Variants in PHF8 observed in about 807,000 individuals in gnomAD.
The protein encoded by PHF8 is PHD finger protein 8.
A neutral mutation model predicts 74.4 loss-of-function variants in PHF8; 9 were observed. The ratio of observed to expected loss-of-function variants is 0.12; its 90% CI spans 0.07 to 0.21. The LOEUF is 0.21. Among genes scored for constraint, PHF8 ranks in the 10% least tolerant of loss-of-function variants. PHF8 has a pLI of 1.00. For synonymous variants in PHF8, 311 were observed against 316.6 expected (o/e 0.98, Z 0.19); for missense variants, 478 against 816.6 (o/e 0.59, Z 5.05).
intron 19 of PHF8, among the ~76,000 whole-genome samples, chrX:53,946,208 C>G (rs1453997680): frequency 9.0e-6 from 1 of 111,727 alleles, no homozygotes; most frequent in African/African-American, 3.3e-5. Context: ...TCACACAGCA[C>G]CAAAATATTA....
chrX:53,945,832 C>T (rs181303792), intron 19 of PHF8, among the ~76,000 whole-genome samples: 1 of 111,685 alleles, frequency 9.0e-6, no homozygotes, highest in African/African-American at 3.3e-5. Context: ...TCTTTGGTTC[C>T]ACTGATCTCT....
intron 2 of PHF8, among the ~76,000 whole-genome samples, chrX:54,036,927 G>C (rs1603344693): frequency 1.9e-5 from 2 of 106,580 alleles, no homozygotes. Flanking sequence ...TTGAACCCGG[G>C]AGGTGGAGGT....
chrX:53,971,295 A>C (rs2065286622), intron 18 of PHF8, among the ~76,000 whole-genome samples: 1 of 111,873 alleles, frequency 8.9e-6, no homozygotes, highest in African/African-American at 3.2e-5. Flanking sequence ...TAATGAGAAC[A>C]AAGAGACAAT....
chrX:54,009,844 G>GGAAAAA (rs2065952773), intron 8 of PHF8, among the ~76,000 whole-genome samples: 115 of 9,388 alleles, frequency 0.012, 16 homozygotes, highest in African/African-American at 0.017. Context: ...CTCTGTCTCA[G>GGAAAAA]AAAAAAAAAA....
chrX:53,938,914 A>AGCTG lies in PHF8; in HGVS notation c.*240_*243dup. On this transcript the variant is annotated 3_prime_UTR_variant, in exon 22 of 22. Coordinates refer to ENST00000338154, the MANE Select transcript of PHF8 (RefSeq NM_015107.3). ...ACGAGTAGAAAAGAGGGTTCTAGTC[A>AGCTG]GCTGGAAACCTCTCCCATTTACCTG... 1 of 959,664 alleles carries AGCTG rather than the reference A, an allele frequency of 1.0e-6. No homozygotes were observed. The highest frequency in any genetic ancestry group is 1.3e-6 in the Non-Finnish European group (1 of 767,408). 79.1% of individuals were successfully genotyped at this position (959,664 alleles called of 1,213,427 possible).
upstream of PHF8, among the ~76,000 whole-genome samples, chrX:54,045,951 T>G (rs782777203): frequency 6.8e-4 from 22 of 32,523 alleles, no homozygotes; most frequent in East Asian, 1.7e-3. Flanking sequence ...TTAGGGTTTT[T>G]TTTTTTTTTT....
chrX:53,942,543 A>G, intron 20 of PHF8: 1 of 191,969 alleles, frequency 5.2e-6, no homozygotes, highest in Non-Finnish European at 7.9e-6. Context: ...TCACCCACCC[A>G]CCCCAATACT....
At chrX:53,948,609 T>C (rs1418601460) in intron 19 of PHF8, among the ~76,000 whole-genome samples, 1 of 111,761 alleles carries the variant, frequency 8.9e-6, no homozygotes, top group Non-Finnish European at 1.9e-5. Flanking sequence ...GCAAAAACTA[T>C]AGATAGCCAG....
chrX:53,961,632 A>T (rs1557090884), intron 19 of PHF8, among the ~76,000 whole-genome samples: 1 of 110,881 alleles, frequency 9.0e-6, no homozygotes, highest in African/African-American at 3.3e-5. Flanking sequence ...ATTTTTTTTT[A>T]AAAAGAAACA....
chrX:53,949,166 C>T (rs1258037786), intron 19 of PHF8, among the ~76,000 whole-genome samples: 1 of 110,824 alleles, frequency 9.0e-6, no homozygotes, highest in East Asian at 2.8e-4. Flanking sequence ...AACCCTGTCT[C>T]TACTAAAAAT....
At chrX:53,976,226 A>C (rs1557096044) in intron 18 of PHF8, among the ~76,000 whole-genome samples, 1 of 109,900 alleles carries the variant, frequency 9.1e-6, no homozygotes, top group African/African-American at 3.3e-5. Context: ...AACCACTTGA[A>C]CCTGGGAGGT....
At chrX:54,045,974 T>A (rs1478170259), upstream of PHF8, among the ~76,000 whole-genome samples, 1 of 82,287 alleles carries the variant, frequency 1.2e-5, no homozygotes, top group Non-Finnish European at 2.4e-5. Context: ...GTTTGTTGTT[T>A]TAGAGACAAG....
chrX:53,945,246 G>T (rs1290717892), intron 19 of PHF8, among the ~76,000 whole-genome samples: 1 of 108,473 alleles, frequency 9.2e-6, no homozygotes, highest in Non-Finnish European at 1.9e-5. Context: ...TCAGAAGGCT[G>T]AGGCAGGAGA....
At chrX:53,959,277 C>T (rs1198656622) in intron 19 of PHF8, among the ~76,000 whole-genome samples, 3 of 111,066 alleles carry the variant, frequency 2.7e-5, no homozygotes, top group Non-Finnish European at 5.7e-5. Context: ...GTACCCCTCC[C>T]CTATAAATGT....
chrX:54,042,916 G>A, intron 1 of PHF8, 96 bp from the exon 2 acceptor site: 7 of 697,921 alleles, frequency 1.0e-5, no homozygotes, highest in Non-Finnish European at 1.4e-5. Context: ...ACCGCCGCCG[G>A]GATGCAACAC....
chrX:53,940,554 TGAA>T (rs1407784879), intron 20 of PHF8, 38 bp from the exon 21 acceptor site: 1 of 998,119 alleles, frequency 1.0e-6, no homozygotes, highest in Non-Finnish European at 1.4e-6. Flanking sequence ...GATTAAGGAG[TGAA>T]GAAGACAAGT....
upstream of PHF8, among the ~76,000 whole-genome samples, chrX:54,046,599 A>C (rs1287216233): frequency 9.6e-6 from 1 of 104,656 alleles, no homozygotes; most frequent in African/African-American, 3.4e-5. Context: ...AAAAAAAATG[A>C]CTTATGAATA....
chrX:53,958,690 G>C (rs1197728091), intron 19 of PHF8, among the ~76,000 whole-genome samples: 1 of 103,737 alleles, frequency 9.6e-6, no homozygotes, highest in Non-Finnish European at 2.0e-5. Context: ...GCAGGAGAAT[G>C]GCGTGAACCC....
intron 16 of PHF8, among the ~76,000 whole-genome samples, chrX:53,986,235 C>T (rs2065563009): frequency 8.9e-6 from 1 of 112,664 alleles, no homozygotes; most frequent in Admixed American, 9.3e-5. Flanking sequence ...TCTGCTACAT[C>T]GCACTGACTT....
Sources: allele counts gnomAD v4.1 joint callset (sites outside exome capture counted in the v4.1 genomes callset), GRCh38; gene constraint gnomAD v4.1.1; transcripts MANE v1.5; gene names NCBI Gene and HGNC (gene_info 2026-07-23, HGNC 2026-07-21).